Variants in ZC3H8 observed in about 807,000 individuals in gnomAD.
ZC3H8 encodes zinc finger CCCH domain-containing protein 8.
In ZC3H8, 27 loss-of-function variants were observed where a neutral mutation model predicts 42.5. The ratio of observed to expected loss-of-function variants is 0.64; its 90% CI spans 0.47 to 0.88. ZC3H8 has a LOEUF of 0.88. Ranked by LOEUF, ZC3H8 falls within the 40% of genes least tolerant of loss-of-function variation. ZC3H8 has a pLI of 0.00. For missense variants in ZC3H8, 277 were observed against 336.1 expected, an observed-to-expected ratio of 0.82 and a Z score of 1.37; for synonymous variants, 101 against 110.1, an observed-to-expected ratio of 0.92 and a Z score of 0.52.
chr2:112,224,101 C>T (rs1684710905), intron 8 of ZC3H8, among the ~76,000 whole-genome samples: 1 of 152,102 alleles, frequency 6.6e-6, no homozygotes, highest in South Asian at 2.1e-4. Flanking sequence ...ATAGATAATG[C>T]CACTGCACTC....
rs992649046 is a variant in ZC3H8 at position 112,216,360 on chromosome 2, C to A, written c.*124G>T. 5.9e-5 allele frequency: 9 copies of A among 152,470 alleles called. No individual in the cohort carries two copies. The highest frequency in any genetic ancestry group is 2.2e-4 in the African/African-American group (9 of 41,582). 9.4% of individuals were successfully genotyped at this position (152,470 alleles called of 1,614,324 possible). On this transcript the variant is annotated 3_prime_UTR_variant, in exon 9 of 9. Transcript: ENST00000409573. ...GAAGCTGCACATCACCCCAGTCACA[C>A]AAGAGGGCACTCTGAATGAGGAATC...
chr2:112,250,227 C>T lies in ZC3H8; in HGVS notation c.120G>A (p.Glu40=), dbSNP rs1391391166. Residue 40 remains glutamate (E), a synonymous_variant, in exon 2 of 9, where the codon GAG becomes GAA. Transcript: ENST00000409573. The part of the protein sequence containing the change: ...IDTEVEETQE[E]KIKLECEQIP... Reference sequence around the variant, plus strand: ...TTTGCTCGCACTCCAGTTTAATTTTCTCTTCTTGTGTTTCTTCAACTTCTG... The same window carrying T: ...TTTGCTCGCACTCCAGTTTAATTTTTTCTTCTTGTGTTTCTTCAACTTCTG... The T allele has an allele frequency of 6.4e-7, 1 of 1,568,150 alleles. No homozygotes were observed. Among genetic ancestry groups the T allele is most frequent in the East Asian group, 2.3e-5 (1 of 43,572 alleles).
intron 6 of ZC3H8, 32 bp downstream of exon 6, chr2:112,233,228 A>T: frequency 7.2e-7 from 1 of 1,383,738 alleles, no homozygotes; most frequent in East Asian, 2.4e-5. Flanking sequence ...GTAAATATTT[A>T]TAAAGTCACC....
chr2:112,249,613 T>G (rs1259231547), intron 2 of ZC3H8, among the ~76,000 whole-genome samples: 1 of 152,034 alleles, frequency 6.6e-6, no homozygotes, highest in Non-Finnish European at 1.5e-5. Flanking sequence ...CTGGCTAAAT[T>G]TTTTTGTATT....
At chr2:112,241,603 C>T (rs907007509) in intron 2 of ZC3H8, among the ~76,000 whole-genome samples, 24 of 152,268 alleles carry the variant, frequency 1.6e-4, no homozygotes, top group African/African-American at 5.3e-4. Context: ...TATGTTATTC[C>T]GTTTTGAACA....
intron 4 of ZC3H8, among the ~76,000 whole-genome samples, chr2:112,234,985 T>A (rs1022130249): frequency 1.8e-4 from 27 of 151,938 alleles, no homozygotes; most frequent in South Asian, 2.1e-4. Context: ...TCAGCTCAAA[T>A]TAACACACGC....
chr2:112,235,235 T>C (rs1268262215), intron 4 of ZC3H8, among the ~76,000 whole-genome samples: 3 of 152,216 alleles, frequency 2.0e-5, no homozygotes, highest in African/African-American at 7.2e-5. Flanking sequence ...ATGTCAAATT[T>C]CCACTTAGCA....
At chr2:112,241,102 C>CT (rs771130995) in intron 2 of ZC3H8, among the ~76,000 whole-genome samples, 7 of 151,650 alleles carry the variant, frequency 4.6e-5, no homozygotes, top group Non-Finnish European at 8.8e-5. Flanking sequence ...AAGTTATGCT[C>CT]TAAAGGGTGG....
rs1407981911 is a variant in ZC3H8, at chr2:112,236,556, C to G, written c.504+6G>C. 1.2e-6 allele frequency: 2 copies of G among 1,612,162 alleles called. No individual in the cohort carries two copies. Among genetic ancestry groups the G allele is most frequent in the South Asian group, 2.2e-5 (2 of 90,578 alleles). On this transcript the variant is annotated splice_donor_region_variant and intron_variant, in intron 4 of 8. Transcript: ENST00000409573. ...CAGGTATTCCTAGAAGCATATATTC[C>G]AATACCTCTTCCTGTGAGCCGCTGT...
At chr2:112,232,748 T>A (rs1685151990) in intron 6 of ZC3H8, among the ~76,000 whole-genome samples, 1 of 152,170 alleles carries the variant, frequency 6.6e-6, no homozygotes, top group Non-Finnish European at 1.5e-5. Context: ...AGAAAAAAAT[T>A]TTTTTGTGAT....
chr2:112,222,840 G>A (rs1684647867), intron 8 of ZC3H8, among the ~76,000 whole-genome samples: 2 of 152,104 alleles, frequency 1.3e-5, no homozygotes, highest in South Asian at 4.1e-4. Context: ...CATGAGCTCT[G>A]GTAATATATG....
intron 8 of ZC3H8, among the ~76,000 whole-genome samples, chr2:112,219,383 A>C (rs1328202377): frequency 6.6e-6 from 1 of 152,246 alleles, no homozygotes; most frequent in Non-Finnish European, 1.5e-5. Flanking sequence ...CTCCTCATGC[A>C]AAACAGTGAA....
At chr2:112,246,920 C>G (rs1685784762) in intron 2 of ZC3H8, among the ~76,000 whole-genome samples, 1 of 152,168 alleles carries the variant, frequency 6.6e-6, no homozygotes, top group African/African-American at 2.4e-5. Context: ...TACTGCTGTC[C>G]TATTTTAAGA....
chr2:112,228,959 T>C (rs1378923165), intron 8 of ZC3H8, among the ~76,000 whole-genome samples: 2 of 152,206 alleles, frequency 1.3e-5, no homozygotes, highest in South Asian at 2.1e-4. Context: ...AAGATGTTCA[T>C]AGTCATTTGA....
At chr2:112,251,114 G>T (rs1164286737) in intron 1 of ZC3H8, among the ~76,000 whole-genome samples, 1 of 152,236 alleles carries the variant, frequency 6.6e-6, no homozygotes. Context: ...TATTATCTTA[G>T]TAAGTGGTGA....
chr2:112,253,982 C>T, intron 1 of ZC3H8: 1 of 303,278 alleles, frequency 3.3e-6, no homozygotes, highest in Non-Finnish European at 4.8e-6. Context: ...TGTGCAATCT[C>T]GGCAGGTTAT....
chr2:112,240,956 T>C (rs2104663193), intron 2 of ZC3H8, among the ~76,000 whole-genome samples: 1 of 114,778 alleles, frequency 8.7e-6, no homozygotes, highest in African/African-American at 3.0e-5. Context: ...GGTAACAGTG[T>C]GTGTGTGTGT....
At position 112,236,637 on chromosome 2, in the gene ZC3H8, T is replaced by C. The variant is rs1685347281; in HGVS notation, c.429A>G (p.Lys143=). The C allele has an allele frequency of 6.2e-7, 1 of 1,613,914 alleles. No homozygotes were observed. The highest frequency in any genetic ancestry group is 1.3e-5 in the African/African-American group (1 of 74,940). The change falls in exon 4 of 9, where the codon AAA becomes AAG. Residue 143 remains lysine (K), a synonymous_variant. Transcript: ENST00000409573. ...KAGHKNGKQK[K]MKRKWPGPGN... ...CAGGGCCAGGCCATTTTCGCTTCATTTTCTTCTGTTTGCCATTCTTGTGAC... is the reference window on the plus strand; with the variant it reads ...CAGGGCCAGGCCATTTTCGCTTCATCTTCTTCTGTTTGCCATTCTTGTGAC...
At position 112,231,143 on chromosome 2, in the gene ZC3H8, T is replaced by C. The variant is rs761515613; in HGVS notation, c.844-193A>G. ...CTTTTCCATATCTATTTCACACAAA[T>C]AAACAACTAAATATTTGGTACAACT... is the stretch of plus-strand genomic sequence containing the variant. On this transcript the variant is annotated intron_variant, in intron 7 of 8. Coordinates refer to ENST00000409573, the MANE Select transcript of ZC3H8 (RefSeq NM_032494.3). Among the ~76,000 whole-genome samples, 25 of 152,234 alleles carry C rather than the reference T, an allele frequency of 1.6e-4. 1 individual carries two copies. The highest frequency in any genetic ancestry group is 3.2e-4 in the Non-Finnish European group (22 of 67,956).
Sources: allele counts gnomAD v4.1 joint callset (sites outside exome capture counted in the v4.1 genomes callset), GRCh38; gene constraint gnomAD v4.1.1; transcripts MANE v1.5; gene names NCBI Gene and HGNC (gene_info 2026-07-23, HGNC 2026-07-21).